The following GRIK2 variants were observed in gnomAD, a reference collection of about 807,000 sequenced individuals.
GRIK2 encodes the protein glutamate ionotropic receptor kainate type subunit 2, also known as glutamate receptor ionotropic, kainate 2.
A neutral mutation model predicts 100.3 loss-of-function variants in GRIK2; 32 were observed. The ratio of observed to expected loss-of-function variants is 0.32; its 90% CI spans 0.24 to 0.43. The LOEUF (loss-of-function observed/expected upper bound fraction) is 0.43, where lower values mean the gene tolerates loss of function less well. Among genes scored for constraint, GRIK2 ranks in the 20% least tolerant of loss-of-function variants. The pLI, the probability that GRIK2 is intolerant of heterozygous loss-of-function variation, is 1.00. For missense variants in GRIK2, 843 were observed against 1,114.9 expected (o/e 0.76, Z 3.47); for synonymous variants, 417 against 389.4 (o/e 1.07, Z -0.83).
chr6:101,741,206 A>G (rs762384877), intron 7 of GRIK2, among the ~76,000 whole-genome samples: 1 of 141,502 alleles, frequency 7.1e-6, no homozygotes, highest in African/African-American at 2.8e-5. Context: ...TTGGAATTTT[A>G]AATAATTCAC....
At chr6:101,455,475 T>C (rs1770952485) in intron 2 of GRIK2, among the ~76,000 whole-genome samples, 1 of 152,060 alleles carries the variant, frequency 6.6e-6, no homozygotes, top group African/African-American at 2.4e-5. Context: ...GCTGAATTGT[T>C]CCTATCACCC....
chr6:101,480,322 A>C lies in GRIK2; in HGVS notation c.115+80930A>C, dbSNP rs570114706. ...TATATCACATCAATTCAAATGACTG[A>C]AATTGGAAGTCAGTCAATCCTGCTA... On this transcript the variant is annotated intron_variant, in intron 2 of 16. Coordinates refer to ENST00000369134, the MANE Select transcript of GRIK2 (RefSeq NM_021956.5). Among the ~76,000 whole-genome samples the C allele has an allele frequency of 9.6e-4, 146 of 152,240 alleles. 5 individuals are homozygous for C. The South Asian group carries it at 0.028, about 29-fold the overall frequency.
chr6:102,065,897 T>C (rs867648799), intron 16 of GRIK2: 3 of 1,442,152 alleles, frequency 2.1e-6, no homozygotes, highest in Non-Finnish European at 2.8e-6. Flanking sequence ...TCATCATCAT[T>C]ATCATCATGT....
At chr6:101,856,907 G>A (rs903117493) in intron 10 of GRIK2, among the ~76,000 whole-genome samples, 5 of 152,124 alleles carry the variant, frequency 3.3e-5, no homozygotes, top group African/African-American at 1.2e-4. Flanking sequence ...CATGTAGGTG[G>A]ATTTTGAATA....
chr6:101,975,878 CTATT>C lies in GRIK2; in HGVS notation c.2085+47249_2085+47252del, dbSNP rs372585143. Among the ~76,000 whole-genome samples the C allele has an allele frequency of 3.2e-4, 47 of 145,748 alleles. No homozygotes were observed. The East Asian group carries it at 9.7e-3, about 30-fold the overall frequency. ...ATCCATCCATCCATTCAACTGTCAT[CTATT>C]TAATCTATTTTTCTTTGGGGTTAAA... On this transcript the variant is annotated intron_variant, in intron 14 of 16. Coordinates refer to ENST00000369134, the MANE Select transcript of GRIK2 (RefSeq NM_021956.5).
chr6:101,784,924 G>A (rs1043467192), intron 7 of GRIK2, among the ~76,000 whole-genome samples: 4 of 152,154 alleles, frequency 2.6e-5, no homozygotes, highest in African/African-American at 7.2e-5. Context: ...CAGCAGCAGT[G>A]TATAAGAGTT....
At chr6:101,667,212 T>C (rs545774895) in intron 4 of GRIK2, among the ~76,000 whole-genome samples, 186 of 152,224 alleles carry the variant, frequency 1.2e-3, no homozygotes, top group African/African-American at 4.3e-3. Flanking sequence ...GGTGTCTAGT[T>C]AGTGACTCTC....
chr6:101,413,489 A>G (rs1049141435), intron 2 of GRIK2, among the ~76,000 whole-genome samples: 1 of 152,116 alleles, frequency 6.6e-6, no homozygotes, highest in African/African-American at 2.4e-5. Context: ...AATTATTTGC[A>G]TAACAAAGTA....
At chr6:101,728,644 A>T (rs1775039377) in intron 7 of GRIK2, among the ~76,000 whole-genome samples, 1 of 152,060 alleles carries the variant, frequency 6.6e-6, no homozygotes, top group South Asian at 2.1e-4. Context: ...TATCTAATTT[A>T]TAACATGGAG....
intron 4 of GRIK2, among the ~76,000 whole-genome samples, chr6:101,667,490 T>C (rs1770115767): frequency 6.6e-6 from 1 of 152,110 alleles, no homozygotes; most frequent in Non-Finnish European, 1.5e-5. Flanking sequence ...TTTGGGTGTG[T>C]TTGAGAAGAG....
At chr6:101,928,775 T>G (rs1460083036) in intron 14 of GRIK2, 143 bp downstream of exon 14, 2 of 612,086 alleles carry the variant, frequency 3.3e-6, no homozygotes, top group African/African-American at 1.8e-5. Flanking sequence ...GGTGGAGAGG[T>G]GTACAACTGA....
intron 5 of GRIK2, among the ~76,000 whole-genome samples, chr6:101,681,737 G>A (rs1419854296): frequency 6.6e-6 from 1 of 151,956 alleles, no homozygotes; most frequent in Non-Finnish European, 1.5e-5. Context: ...TGTAGTTAGT[G>A]GCTTTTGGAA....
At chr6:101,998,487 G>T (rs1212206888) in intron 14 of GRIK2, among the ~76,000 whole-genome samples, 1 of 151,986 alleles carries the variant, frequency 6.6e-6, no homozygotes, top group Admixed American at 6.6e-5. Flanking sequence ...CCTGATTTAT[G>T]TAGGGTTTTT....
chr6:101,847,829 C>G (rs1459224942), intron 10 of GRIK2, among the ~76,000 whole-genome samples: 2 of 151,996 alleles, frequency 1.3e-5, no homozygotes, highest in Non-Finnish European at 2.9e-5. Flanking sequence ...GCTCTTAGTG[C>G]CCCCAAGTAT....
chr6:101,724,422 A>T (rs2128367225), intron 7 of GRIK2, among the ~76,000 whole-genome samples: 1 of 151,896 alleles, frequency 6.6e-6, no homozygotes, highest in South Asian at 2.1e-4. Context: ...CTTAACTCCC[A>T]CTTATAAGTG....
chr6:101,694,230 G>A (rs1562315624), intron 7 of GRIK2, among the ~76,000 whole-genome samples: 1 of 152,086 alleles, frequency 6.6e-6, no homozygotes, highest in Non-Finnish European at 1.5e-5. Flanking sequence ...TTGAACTTGA[G>A]AAAGCAAGTA....
chr6:101,742,406 C>A (rs1380162058), intron 7 of GRIK2, among the ~76,000 whole-genome samples: 1 of 152,070 alleles, frequency 6.6e-6, no homozygotes, highest in Non-Finnish European at 1.5e-5. Context: ...CAAAAAGAGT[C>A]AGACTCTGTA....
chr6:101,495,936 T>C (rs1773419825), intron 2 of GRIK2, among the ~76,000 whole-genome samples: 1 of 151,986 alleles, frequency 6.6e-6, no homozygotes, highest in African/African-American at 2.4e-5. Context: ...ATTTTACATA[T>C]CTGAATTTTT....
chr6:101,471,102 T>A (rs182747674), intron 2 of GRIK2, among the ~76,000 whole-genome samples: 1 of 152,264 alleles, frequency 6.6e-6, no homozygotes, highest in Non-Finnish European at 1.5e-5. Flanking sequence ...TAACATTTTT[T>A]ATTTGCATAC....
Sources: allele counts gnomAD v4.1 joint callset (sites outside exome capture counted in the v4.1 genomes callset), GRCh38; gene constraint gnomAD v4.1.1; transcripts MANE v1.5; gene names NCBI Gene and HGNC (gene_info 2026-07-23, HGNC 2026-07-21).